SCHIP1: variants seen among roughly 807,000 people sequenced by gnomAD.
The protein encoded by SCHIP1 is schwannomin interacting protein 1, also known as schwannomin-interacting protein 1.
In SCHIP1, 8 loss-of-function variants were observed where a neutral mutation model predicts 29.7. That is an observed-to-expected ratio of 0.27 (90% confidence interval 0.16 to 0.49). The LOEUF is 0.49. Among genes scored for constraint, SCHIP1 ranks in the 20% least tolerant of loss-of-function variants. The probability of loss-of-function intolerance (pLI) is 0.99; values close to 1 mark genes in which losing one functional copy is unlikely to be tolerated. For missense variants in SCHIP1, 193 were observed against 294.6 expected (o/e 0.66, Z 2.52); for synonymous variants, 76 against 94.9 (o/e 0.80, Z 1.16).
chr3:159,417,038 G>T, the SCHIP1 span, among the ~76,000 whole-genome samples: 1 of 152,196 alleles, frequency 6.6e-6, no homozygotes, highest in Non-Finnish European at 1.5e-5. Flanking sequence ...AATCTGTAAT[G>T]TGGCTGAAAA....
the SCHIP1 span, among the ~76,000 whole-genome samples, chr3:159,734,226 T>A: frequency 1.4e-4 from 19 of 139,772 alleles, no homozygotes; most frequent in African/African-American, 4.8e-4. Flanking sequence ...CACTTCAACC[T>A]CCGCCTCCCA....
the SCHIP1 span, among the ~76,000 whole-genome samples, chr3:159,509,144 T>C: frequency 4.6e-4 from 70 of 152,286 alleles, 1 homozygote; most frequent in Admixed American, 4.6e-3. Context: ...TTATGAACCT[T>C]GGTGCTCCTG....
At chr3:159,596,145 A>G in the SCHIP1 span, among the ~76,000 whole-genome samples, 1 of 152,246 alleles carries the variant, frequency 6.6e-6, no homozygotes, top group African/African-American at 2.4e-5. Context: ...AAAGGATATG[A>G]ACAGACACTT....
At chr3:159,860,189 T>C (rs1188150725) in intron 1 of SCHIP1, among the ~76,000 whole-genome samples, 1 of 152,200 alleles carries the variant, frequency 6.6e-6, no homozygotes, top group Non-Finnish European at 1.5e-5. Context: ...TTTTTGTCAA[T>C]GGCATATTGT....
the SCHIP1 span, among the ~76,000 whole-genome samples, chr3:159,371,429 A>G: frequency 6.6e-6 from 1 of 152,202 alleles, no homozygotes; most frequent in Non-Finnish European, 1.5e-5. Flanking sequence ...CACGGAAGAA[A>G]GAATGTTTGA....
the SCHIP1 span, among the ~76,000 whole-genome samples, chr3:159,572,449 A>G: frequency 6.6e-6 from 1 of 152,178 alleles, no homozygotes; most frequent in Non-Finnish European, 1.5e-5. Context: ...CTTAATCCTG[A>G]GTTCTAATTT....
the SCHIP1 span, among the ~76,000 whole-genome samples, chr3:159,757,457 A>G: frequency 3.4e-4 from 52 of 152,318 alleles, no homozygotes; most frequent in African/African-American, 1.2e-3. Context: ...CATGGGACTT[A>G]TGGGAGCTAC....
At chr3:159,278,039 C>G in the SCHIP1 span, among the ~76,000 whole-genome samples, 1 of 152,114 alleles carries the variant, frequency 6.6e-6, no homozygotes, top group Non-Finnish European at 1.5e-5. Context: ...GAAGGGGACT[C>G]CCTAATGGTG....
At chr3:159,862,814 A>T (rs59189558) in intron 1 of SCHIP1, among the ~76,000 whole-genome samples, 10 of 148,506 alleles carry the variant, frequency 6.7e-5, no homozygotes, top group Admixed American at 1.3e-4. Flanking sequence ...GAAATTTTTT[A>T]AAAAACTTTT....
the SCHIP1 span, among the ~76,000 whole-genome samples, chr3:159,413,419 A>G: frequency 6.6e-6 from 1 of 152,146 alleles, no homozygotes; most frequent in Admixed American, 6.6e-5. Context: ...TTGTACTCCA[A>G]TATTCTTTGA....
the SCHIP1 span, among the ~76,000 whole-genome samples, chr3:159,482,521 T>TA: frequency 2.6e-4 from 39 of 152,330 alleles, no homozygotes; most frequent in Non-Finnish European, 1.3e-4. Flanking sequence ...TACCCTGATC[T>TA]AAAGGTACTA....
the SCHIP1 span, among the ~76,000 whole-genome samples, chr3:159,334,325 A>G: frequency 2.0e-5 from 3 of 152,298 alleles, no homozygotes; most frequent in Non-Finnish European, 2.9e-5. Flanking sequence ...TTTCTATAAG[A>G]GACAGTTATA....
the SCHIP1 span, among the ~76,000 whole-genome samples, chr3:159,821,442 T>C: frequency 6.6e-6 from 1 of 152,114 alleles, no homozygotes; most frequent in Non-Finnish European, 1.5e-5. Flanking sequence ...TTCCCCCTTA[T>C]CCACCGAGGC....
At chr3:159,516,641 T>C in the SCHIP1 span, among the ~76,000 whole-genome samples, 1 of 152,138 alleles carries the variant, frequency 6.6e-6, no homozygotes. Flanking sequence ...CAAGATCTCC[T>C]CCTTTGGCCC....
the SCHIP1 span, among the ~76,000 whole-genome samples, chr3:159,354,614 A>G: frequency 6.6e-6 from 1 of 152,150 alleles, no homozygotes; most frequent in Admixed American, 6.5e-5. Context: ...ATGGGTGAAA[A>G]TGGCTGGATG....
chr3:159,827,959 A>G, the SCHIP1 span, among the ~76,000 whole-genome samples: 1 of 152,130 alleles, frequency 6.6e-6, no homozygotes, highest in African/African-American at 2.4e-5. Context: ...AAAAGAAAAA[A>G]CAAACTCATC....
chr3:159,508,528 C>G, the SCHIP1 span, among the ~76,000 whole-genome samples: 1 of 152,096 alleles, frequency 6.6e-6, no homozygotes, highest in African/African-American at 2.4e-5. Flanking sequence ...TGTGTTTGCT[C>G]TTGCTTCTCT....
the SCHIP1 span, among the ~76,000 whole-genome samples, chr3:159,739,539 T>C: frequency 2.2e-4 from 34 of 152,332 alleles, no homozygotes; most frequent in African/African-American, 8.2e-4. Flanking sequence ...ATCTTTTTCT[T>C]TTTCCTTGAG....
the SCHIP1 span, among the ~76,000 whole-genome samples, chr3:159,716,967 A>G: frequency 3.6e-4 from 55 of 152,336 alleles, no homozygotes; most frequent in African/African-American, 1.3e-3. Flanking sequence ...ACTTATTCCA[A>G]TATTGACCAC....
Sources: allele counts gnomAD v4.1 joint callset (sites outside exome capture counted in the v4.1 genomes callset), GRCh38; gene constraint gnomAD v4.1.1; transcripts MANE v1.5; gene names NCBI Gene and HGNC (gene_info 2026-07-23, HGNC 2026-07-21).